TAMM41: variants seen among roughly 807,000 people sequenced by gnomAD.
The protein encoded by TAMM41 is TAM41 mitochondrial translocator assembly and maintenance homolog.
A neutral mutation model predicts 44.1 loss-of-function variants in TAMM41; 36 were observed. That is an observed-to-expected ratio of 0.82 (90% CI 0.63 to 1.08). TAMM41 has a LOEUF of 1.08. Among genes scored for constraint, TAMM41 ranks in the 50% least tolerant of loss-of-function variants. TAMM41 has a pLI of 0.00. For missense variants in TAMM41, 417 were observed against 404.3 expected (o/e 1.03, Z -0.27); for synonymous variants, 164 against 153.1 (o/e 1.07, Z -0.53).
At chr3:11,805,359 A>C (rs182437815) in intron 7 of TAMM41, among the ~76,000 whole-genome samples, 1 of 151,844 alleles carries the variant, frequency 6.6e-6, no homozygotes, top group Non-Finnish European at 1.5e-5. Flanking sequence ...CTGATCTCAA[A>C]CTCCAGGACT....
At chr3:11,737,807 C>T in the TAMM41 span, among the ~76,000 whole-genome samples, 195 of 152,292 alleles carry the variant, frequency 1.3e-3, no homozygotes, top group African/African-American at 4.1e-3. Flanking sequence ...ACAGATGATA[C>T]GATTTTGTGA....
chr3:11,785,630 T>C (rs980244482), downstream of TAMM41, among the ~76,000 whole-genome samples: 1 of 150,414 alleles, frequency 6.6e-6, no homozygotes, highest in Non-Finnish European at 1.5e-5. Context: ...AGCCTGTTTT[T>C]TTCAGTCAGA....
At chr3:11,823,284 C>T (rs1398106825) in intron 4 of TAMM41, among the ~76,000 whole-genome samples, 18 of 137,790 alleles carry the variant, frequency 1.3e-4, no homozygotes, top group Non-Finnish European at 2.1e-4. Flanking sequence ...GAGACAGAGT[C>T]CTGCTCTGTT....
At chr3:11,846,025 T>G (rs897910602) in intron 1 of TAMM41, among the ~76,000 whole-genome samples, 2 of 152,248 alleles carry the variant, frequency 1.3e-5, no homozygotes, top group African/African-American at 4.8e-5. Flanking sequence ...CCTACATTTA[T>G]AGAGGTGACT....
chr3:11,767,626 A>ATTTTTTGTTTTTTTTTTTTTTTTTTT, the TAMM41 span, among the ~76,000 whole-genome samples: 1 of 60,692 alleles, frequency 1.6e-5, no homozygotes, highest in Non-Finnish European at 3.1e-5. Context: ...CACGTTGTGC[A>ATTTTTTGTTTTTTTTTTTTTTTTTTT]TTTTTTTTTT....
intron 7 of TAMM41, among the ~76,000 whole-genome samples, chr3:11,803,394 AAAAAAAC>A (rs897355791): frequency 2.0e-5 from 3 of 152,200 alleles, no homozygotes; most frequent in African/African-American, 7.2e-5. Context: ...TGTCTCACAA[AAAAAAAC>A]AAAAAACAAA....
intron 4 of TAMM41, among the ~76,000 whole-genome samples, chr3:11,819,297 T>C (rs1305165984): frequency 1.3e-5 from 2 of 152,220 alleles, no homozygotes; most frequent in East Asian, 1.9e-4. Flanking sequence ...AAGTGTGTTG[T>C]GGTATTGCTT....
chr3:11,816,695 TG>T (rs1001179844), intron 5 of TAMM41, among the ~76,000 whole-genome samples: 1 of 151,706 alleles, frequency 6.6e-6, no homozygotes, highest in Admixed American at 6.6e-5. Flanking sequence ...GATCCCAGGC[TG>T]GGGGGTGTTG....
the TAMM41 span, among the ~76,000 whole-genome samples, chr3:11,765,767 T>C: frequency 2.9e-4 from 44 of 151,752 alleles, no homozygotes; most frequent in African/African-American, 9.7e-4. Flanking sequence ...AGTGGTGTGA[T>C]CTCAGCTCAC....
In TAMM41 at chr3:11,844,128, G is replaced by A. The variant is rs2079569718; in HGVS notation, c.219C>T (p.Tyr73=). ...SKNLKKNWSH[Y]SFLKVLGPKI... is the part of the protein sequence containing the mutation. ...TGGGCCCTAAAACTTTTAGGAAAGA[G>A]TAGTGACTCCAATTTTTCTTCAGGT... The change falls in exon 2 of 8, where the codon TAC becomes TAT. Residue 73 remains tyrosine, a synonymous_variant. Transcript: ENST00000455809. The A allele has an allele frequency of 6.2e-7, 1 of 1,614,216 alleles. No individual in the cohort carries two copies.
At chr3:11,727,044 AC>A in the TAMM41 span, among the ~76,000 whole-genome samples, 1 of 152,098 alleles carries the variant, frequency 6.6e-6, no homozygotes, top group Non-Finnish European at 1.5e-5. Flanking sequence ...AATAATAATA[AC>A]TAATGTTTGA....
chr3:11,724,167 G>A, the TAMM41 span, among the ~76,000 whole-genome samples: 85 of 147,524 alleles, frequency 5.8e-4, no homozygotes, highest in East Asian at 1.4e-3. Context: ...GCAGTGGCAT[G>A]ATCTCGGCTC....
chr3:11,779,057 A>G, the TAMM41 span, among the ~76,000 whole-genome samples: 1 of 152,126 alleles, frequency 6.6e-6, no homozygotes, highest in African/African-American at 2.4e-5. Flanking sequence ...TCCCTAATGA[A>G]TAGATTAATG....
chr3:11,728,412 G>C, the TAMM41 span, among the ~76,000 whole-genome samples: 1 of 152,242 alleles, frequency 6.6e-6, no homozygotes, highest in African/African-American at 2.4e-5. Flanking sequence ...GATTCAGAGA[G>C]TAGTAAATAA....
chr3:11,831,257 C>T lies in TAMM41; in HGVS notation c.412-1393G>A, dbSNP rs141104831. ...CCCAGAGTTCTGTTTCAGGAGGCCT[C>T]GGTGAGGGCTGAAAAATGTACATTT... is the stretch of plus-strand genomic sequence containing the variant. On this transcript the variant is annotated intron_variant, in intron 3 of 7. Coordinates refer to ENST00000455809, the MANE Select transcript of TAMM41 (RefSeq NM_001284401.2). Among the ~76,000 whole-genome samples, 546 of 152,258 alleles carry T rather than the reference C, an allele frequency of 3.6e-3. 2 individuals are homozygous for T. Among genetic ancestry groups the T allele is most frequent in the African/African-American group, 0.012 (518 of 41,540 alleles).
chr3:11,748,911 A>ATTTTT, the TAMM41 span, among the ~76,000 whole-genome samples: 33 of 119,096 alleles, frequency 2.8e-4, 1 homozygote, highest in East Asian at 5.1e-4. Context: ...TGGGAAGTAG[A>ATTTTT]TTTTTTTTTT....
the TAMM41 span, among the ~76,000 whole-genome samples, chr3:11,750,257 C>T: frequency 6.6e-6 from 1 of 151,860 alleles, no homozygotes; most frequent in African/African-American, 2.4e-5. Flanking sequence ...ATTAACTTTA[C>T]AGAATTGAGC....
chr3:11,753,756 A>G, the TAMM41 span, among the ~76,000 whole-genome samples: 1 of 151,764 alleles, frequency 6.6e-6, no homozygotes, highest in African/African-American at 2.4e-5. Flanking sequence ...AATAAAATAA[A>G]CTGGCTGTCT....
Position 11,846,856 on chromosome 3 carries a change from G to A in TAMM41, c.-220C>T. On this transcript the variant is annotated 5_prime_UTR_variant, in exon 1 of 8. Coordinates refer to ENST00000455809, the MANE Select transcript of TAMM41 (RefSeq NM_001284401.2). ...AGACGCAGCCCAGATAGGCTCGGGT[G>A]GGCGGCGGTCGCACAGGCAGAGCTT... 2 of 579,426 alleles carry A rather than the reference G, an allele frequency of 3.5e-6. No homozygotes were observed. The highest frequency in any genetic ancestry group is 2.0e-5 in the South Asian group (1 of 49,734). The allele number at this position is 579,426 out of a possible 1,614,324, so 35.9% of individuals were successfully genotyped here.
Sources: allele counts gnomAD v4.1 joint callset (sites outside exome capture counted in the v4.1 genomes callset), GRCh38; gene constraint gnomAD v4.1.1; transcripts MANE v1.5; gene names NCBI Gene and HGNC (gene_info 2026-07-23, HGNC 2026-07-21).